Variants in CHST11 observed in about 807,000 individuals in gnomAD.
CHST11 encodes carbohydrate sulfotransferase 11.
CHST11 carries 9 observed loss-of-function variants against 30.4 expected under a neutral mutation model. That is an observed-to-expected ratio of 0.30 (90% CI 0.18 to 0.52). The LOEUF (loss-of-function observed/expected upper bound fraction) is 0.52, where lower values mean the gene tolerates loss of function less well. CHST11 is among the 20% of genes least tolerant of loss of function. CHST11 has a pLI of 0.97. For synonymous variants in CHST11, 152 were observed against 187.8 expected (o/e 0.81, Z 1.56); for missense variants, 348 against 460.6 (o/e 0.76, Z 2.24).
At position 104,676,176 on chromosome 12, in the gene CHST11, A is replaced by G. The variant is rs13377941; in HGVS notation, c.204+74185A>G. Among the ~76,000 whole-genome samples the G allele has an allele frequency of 5.5e-3, 836 of 152,338 alleles. 9 individuals are homozygous for G. The highest frequency in any genetic ancestry group is 0.018 in the African/African-American group (753 of 41,568). Reference sequence around the variant, plus strand: ...CCAATTGCTGCTGTAACAAAATGCTACAAAGTAGAGGCTGAAACAATATAA... The same window carrying G: ...CCAATTGCTGCTGTAACAAAATGCTGCAAAGTAGAGGCTGAAACAATATAA... On this transcript the variant is annotated intron_variant, in intron 2 of 2. Coordinates refer to ENST00000303694, the MANE Select transcript of CHST11 (RefSeq NM_018413.6). The surrounding 1 kb of genome is among the most constrained non-coding windows in gnomAD (Gnocchi z 4.4).
chr12:104,584,673 G>A (rs1416584037), intron 1 of CHST11, among the ~76,000 whole-genome samples: 1 of 35,846 alleles, frequency 2.8e-5, no homozygotes, highest in Non-Finnish European at 5.0e-5. Flanking sequence ...GGTTTAAGTG[G>A]TTAATTTAAA....
intron 2 of CHST11, among the ~76,000 whole-genome samples, chr12:104,693,587 A>G (rs1265724916): frequency 6.6e-6 from 1 of 152,212 alleles, no homozygotes; most frequent in Non-Finnish European, 1.5e-5. Flanking sequence ...GGGAGACAAG[A>G]AAGTGGCAAT....
chr12:104,618,617 A>G (rs2039131906), intron 2 of CHST11, among the ~76,000 whole-genome samples: 1 of 152,144 alleles, frequency 6.6e-6, no homozygotes, highest in Non-Finnish European at 1.5e-5. Context: ...AATTGTAATC[A>G]TGATTTGGGT....
intron 2 of CHST11, among the ~76,000 whole-genome samples, chr12:104,664,379 C>CAGCA (rs1486397066): frequency 6.6e-6 from 1 of 152,178 alleles, no homozygotes; most frequent in Non-Finnish European, 1.5e-5. Flanking sequence ...CTTTGAGAGA[C>CAGCA]AGCAAGGCCT....
rs573457059 is a variant in CHST11 at position 104,556,508 on chromosome 12, C to T, written c.119-45398C>T. 4.6e-5 allele frequency among the ~76,000 whole-genome samples: 7 copies of T among 152,320 alleles called. No individual in the cohort carries two copies. In the South Asian group the frequency reaches 1.2e-3, roughly 27 times the overall value. ...GAAGGCTTGGTTCCTTCTGGAGGCT[C>T]TGAAGAAGAATCTTTCCCATGTCTC... On this transcript the variant is annotated intron_variant, in intron 1 of 2. Coordinates refer to ENST00000303694, the MANE Select transcript of CHST11 (RefSeq NM_018413.6).
intron 2 of CHST11, among the ~76,000 whole-genome samples, chr12:104,686,846 C>T (rs1184345575): frequency 1.3e-5 from 2 of 152,146 alleles, no homozygotes; most frequent in African/African-American, 4.8e-5. Flanking sequence ...CAGGGTTTCA[C>T]CACGTTGGTC....
chr12:104,493,566 G>A (rs2135969338), intron 1 of CHST11, among the ~76,000 whole-genome samples: 1 of 152,316 alleles, frequency 6.6e-6, no homozygotes, highest in African/African-American at 2.4e-5. Flanking sequence ...TGTGTCAAAT[G>A]CCTCAGAAGT....
chr12:104,660,117 G>A (rs1355317365), intron 2 of CHST11, among the ~76,000 whole-genome samples: 1 of 152,178 alleles, frequency 6.6e-6, no homozygotes, highest in Non-Finnish European at 1.5e-5. Context: ...ACGCTCCAGG[G>A]ACCACATCTG....
chr12:104,687,123 A>G (rs2039853926), intron 2 of CHST11, among the ~76,000 whole-genome samples: 1 of 152,236 alleles, frequency 6.6e-6, no homozygotes, highest in African/African-American at 2.4e-5. Flanking sequence ...TGGCCTTGCC[A>G]AGTGCTAAGA....
At chr12:104,509,416 G>T (rs1164266934) in intron 1 of CHST11, among the ~76,000 whole-genome samples, 1 of 152,096 alleles carries the variant, frequency 6.6e-6, no homozygotes, top group Admixed American at 6.5e-5. Context: ...CTATTATTTT[G>T]TATCTTGTAC....
At chr12:104,511,243 C>G (rs2037962524) in intron 1 of CHST11, among the ~76,000 whole-genome samples, 1 of 152,178 alleles carries the variant, frequency 6.6e-6, no homozygotes, top group South Asian at 2.1e-4. Flanking sequence ...TCTTCCTCCT[C>G]CCAGCCTTCT....
chr12:104,675,114 G>A (rs1051895934), intron 2 of CHST11, among the ~76,000 whole-genome samples: 8 of 152,138 alleles, frequency 5.3e-5, no homozygotes, highest in African/African-American at 1.9e-4. Context: ...TAATGTTTTA[G>A]TGGTGATCAC....
rs540549538 is a variant in CHST11 at position 104,460,399 on chromosome 12, C to T, written c.118+2870C>T. Among the ~76,000 whole-genome samples the T allele has an allele frequency of 3.2e-4, 49 of 152,264 alleles. 2 individuals carry two copies. Among genetic ancestry groups the T allele is most frequent in the African/African-American group, 1.1e-3 (44 of 41,528 alleles). On this transcript the variant is annotated intron_variant, in intron 1 of 2. Transcript: ENST00000303694. ...AAAAGGAAGGCAGGGCGCGGTGGCT[C>T]ATACCTGGAATCCCAGCACCTTGGG...
At chr12:104,598,840 G>A (rs1041384904) in intron 1 of CHST11, among the ~76,000 whole-genome samples, 1 of 150,638 alleles carries the variant, frequency 6.6e-6, no homozygotes, top group East Asian at 2.0e-4. Flanking sequence ...GGTGGGTGGG[G>A]TGGGCCTTGA....
chr12:104,497,329 G>C (rs2037808097), intron 1 of CHST11, among the ~76,000 whole-genome samples: 1 of 152,196 alleles, frequency 6.6e-6, no homozygotes, highest in African/African-American at 2.4e-5. Context: ...CACCACGGTT[G>C]TGCACGCACA....
chr12:104,654,301 C>G (rs1267156934), intron 2 of CHST11, among the ~76,000 whole-genome samples: 2 of 152,154 alleles, frequency 1.3e-5, no homozygotes, highest in African/African-American at 4.8e-5. Context: ...AAAAATTTTC[C>G]ATTGAGTCCT....
At chr12:104,646,318 A>C (rs1260668491) in intron 2 of CHST11, among the ~76,000 whole-genome samples, 1 of 152,106 alleles carries the variant, frequency 6.6e-6, no homozygotes, top group African/African-American at 2.4e-5. Flanking sequence ...TCACTTGGCC[A>C]ACACCTACTT....
chr12:104,462,837 A>AT (rs998415392), intron 1 of CHST11, among the ~76,000 whole-genome samples: 1 of 152,200 alleles, frequency 6.6e-6, no homozygotes, highest in African/African-American at 2.4e-5. Flanking sequence ...CTCCTTGATC[A>AT]TTTAAATGTT....
intron 2 of CHST11, among the ~76,000 whole-genome samples, chr12:104,613,602 A>G (rs555996679): frequency 3.5e-4 from 54 of 152,226 alleles, no homozygotes; most frequent in South Asian, 2.9e-3. Context: ...TGCTCTGGCC[A>G]TGTAAGATGT....
Sources: gnomAD v4.1 joint callset for allele counts (sites outside exome capture counted in the v4.1 genomes callset) on GRCh38, gnomAD v4.1.1 for gene constraint, Gnocchi (gnomAD v3.1) non-coding constraint, MANE v1.5 for transcripts, NCBI Gene and HGNC (gene_info 2026-07-23, HGNC 2026-07-21) for gene names.